Variants in TRIM40 observed in about 807,000 individuals in gnomAD.
TRIM40 encodes E3 ubiquitin ligase TRIM40.
Under a neutral mutation model 26.1 loss-of-function variants are expected in TRIM40, and 27 were observed. The ratio of observed to expected loss-of-function variants is 1.04; its 90% CI spans 0.76 to 1.43. The LOEUF (loss-of-function observed/expected upper bound fraction) is 1.43, where lower values mean the gene tolerates loss of function less well. Ranked by LOEUF, TRIM40 falls within the 40% of genes most tolerant of loss-of-function variation. The pLI, the probability that TRIM40 is intolerant of heterozygous loss-of-function variation, is 0.00. For missense variants in TRIM40, 289 were observed against 307.9 expected, an observed-to-expected ratio of 0.94 and a Z score of 0.46; for synonymous variants, 114 against 120.0, an observed-to-expected ratio of 0.95 and a Z score of 0.33.
intron 2 of TRIM40, among the ~76,000 whole-genome samples, chr6:30,141,973 G>A (rs1271970867): frequency 1.3e-5 from 2 of 152,130 alleles, no homozygotes; most frequent in African/African-American, 4.8e-5. Context: ...CCATGGATAA[G>A]GAGTTGTCTG....
rs771721700 is a variant in TRIM40, at chr6:30,147,151, G to A, written c.608G>A (p.Arg203Lys). Reference sequence around the variant, plus strand: ...ATCTCCAGGGCAGTAACACAGCTCAGAAGCCTGGTCATTGATCTGGAAAGG... The same window carrying A: ...ATCTCCAGGGCAGTAACACAGCTCAAAAGCCTGGTCATTGATCTGGAAAGG... ...LDISRAVTQLRSLVIDLERTA... is the reference protein window; with the variant it reads ...LDISRAVTQLKSLVIDLERTA... The change falls in exon 4 of 6, where the codon AGA becomes AAA. Residue 203 changes from arginine (R) to lysine (K), a missense_variant. Transcript: ENST00000396581. 1 of 1,614,240 alleles carries A rather than the reference G, an allele frequency of 6.2e-7. No individual in the cohort carries two copies. Among genetic ancestry groups the A allele is most frequent in the Non-Finnish European group, 8.5e-7 (1 of 1,180,046 alleles).
chr6:30,139,354 T>G (rs1437243991), intron 2 of TRIM40, among the ~76,000 whole-genome samples: 2 of 147,216 alleles, frequency 1.4e-5, no homozygotes, highest in African/African-American at 5.1e-5. Context: ...TTTTTTTTTT[T>G]TTTTTTTGAG....
intron 2 of TRIM40, among the ~76,000 whole-genome samples, chr6:30,138,733 G>A (rs1015963738): frequency 6.6e-6 from 1 of 152,126 alleles, no homozygotes; most frequent in African/African-American, 2.4e-5. Flanking sequence ...GTTAGTATTT[G>A]ACTGGACAAT....
chr6:30,139,762 G>C (rs1438690312), intron 2 of TRIM40, among the ~76,000 whole-genome samples: 2 of 152,128 alleles, frequency 1.3e-5, no homozygotes, highest in Non-Finnish European at 2.9e-5. Context: ...AAAGACAGGG[G>C]GTAGGGAGTG....
At chr6:30,140,077 C>A (rs1423152043) in intron 2 of TRIM40, among the ~76,000 whole-genome samples, 1 of 152,186 alleles carries the variant, frequency 6.6e-6, no homozygotes, top group Non-Finnish European at 1.5e-5. Context: ...ACAACAGATT[C>A]TGGAGACGAA....
intron 2 of TRIM40, among the ~76,000 whole-genome samples, chr6:30,141,112 T>A (rs1771318995): frequency 1.3e-5 from 2 of 151,890 alleles, no homozygotes; most frequent in African/African-American, 4.8e-5. Flanking sequence ...TGAGATACTA[T>A]CTCTAGAACA....
rs1415659409 is a variant in TRIM40, at chr6:30,148,271, G to GGAAGACAGACTC, written c.*460_*471dup. ...CCTGGCACTTATTTATTATTGTTGTGGAAGACAGACTCAAAGACAGCCTCC... is the reference window on the plus strand; with the variant it reads ...CCTGGCACTTATTTATTATTGTTGTGGAAGACAGACTCGAAGACAGACTCAAAGACAGCCTCC... On this transcript the variant is annotated 3_prime_UTR_variant, in exon 6 of 6. Coordinates refer to ENST00000396581, the MANE Select transcript of TRIM40 (RefSeq NM_001286633.2). 1 of 176,542 alleles carries GGAAGACAGACTC rather than the reference G, an allele frequency of 5.7e-6. No individual in the cohort carries two copies. The highest frequency in any genetic ancestry group is 1.5e-4 in the East Asian group (1 of 6,860). The allele number at this position is 176,542 out of a possible 1,614,324, so 10.9% of individuals were successfully genotyped here. A position where few individuals can be genotyped will look rare whatever the true frequency, so the allele number is the denominator to read the frequency against.
chr6:30,142,873 G>T (rs1771427535), intron 2 of TRIM40, among the ~76,000 whole-genome samples: 1 of 151,204 alleles, frequency 6.6e-6, no homozygotes. Context: ...TTTTACTCTA[G>T]TCCATTGATT....
chr6:30,146,921 G>C (rs569057088), intron 3 of TRIM40, 64 bp from the exon 4 acceptor site: 8 of 1,483,778 alleles, frequency 5.4e-6, no homozygotes, highest in South Asian at 2.4e-5. Context: ...CAGACATTCA[G>C]AGACTGTGAA....
rs149365999 is a variant in TRIM40, at chr6:30,140,414, T to G, written c.345+3033T>G. 2.8e-3 allele frequency among the ~76,000 whole-genome samples: 423 copies of G among 152,264 alleles called. 2 individuals carry two copies. Among genetic ancestry groups the G allele is most frequent in the Middle Eastern group, 0.01 (3 of 294 alleles). Reference sequence around the variant, plus strand: ...CATAAAAACAGATGAGTTCACGTCCTTTACAGGGACGTGGATGAAGATGGA... The same window carrying G: ...CATAAAAACAGATGAGTTCACGTCCGTTACAGGGACGTGGATGAAGATGGA... On this transcript the variant is annotated intron_variant, in intron 2 of 5. Coordinates refer to ENST00000396581, the MANE Select transcript of TRIM40 (RefSeq NM_001286633.2).
chr6:30,137,503 T>A, intron 2 of TRIM40, 122 bp downstream of exon 2: 1 of 854,386 alleles, frequency 1.2e-6, no homozygotes, highest in Non-Finnish European at 1.8e-6. Context: ...TTGTTTCTTC[T>A]GCTTCATCCT....
intron 2 of TRIM40, among the ~76,000 whole-genome samples, chr6:30,140,887 C>G (rs1771305615): frequency 6.6e-6 from 1 of 152,108 alleles, no homozygotes; most frequent in Non-Finnish European, 1.5e-5. Flanking sequence ...TGAGACACAT[C>G]AAAATAGGAT....
At position 30,147,164 on chromosome 6, in the gene TRIM40, T is replaced by C. The variant is rs1274778865; in HGVS notation, c.621T>C (p.Ile207=). The change falls in exon 4 of 6, where the codon ATT becomes ATC. Residue 207 remains isoleucine (I), a synonymous_variant. Coordinates refer to ENST00000396581, the MANE Select transcript of TRIM40 (RefSeq NM_001286633.2). ...RAVTQLRSLV[I]DLERTAKELD... ...TAACACAGCTCAGAAGCCTGGTCAT[T>C]GATCTGGAAAGGACGGCCAAGGAAT... 5 of 1,614,092 alleles carry C rather than the reference T, an allele frequency of 3.1e-6. No homozygotes were observed. The highest frequency in any genetic ancestry group is 4.2e-6 in the Non-Finnish European group (5 of 1,180,044).
At chr6:30,141,157 T>TA (rs1409709033) in intron 2 of TRIM40, among the ~76,000 whole-genome samples, 2 of 151,898 alleles carry the variant, frequency 1.3e-5, no homozygotes, top group African/African-American at 4.8e-5. Context: ...TAACAGGATT[T>TA]AAAAAAAAGA....
At chr6:30,146,424 T>A (rs1029343578) in intron 3 of TRIM40, among the ~76,000 whole-genome samples, 34 of 151,404 alleles carry the variant, frequency 2.2e-4, no homozygotes, top group East Asian at 9.7e-4. Context: ...ATTTTATTTT[T>A]TTTTTGAGAT....
chr6:30,141,630 G>A (rs1285069700), intron 2 of TRIM40, among the ~76,000 whole-genome samples: 5 of 152,184 alleles, frequency 3.3e-5, no homozygotes, highest in African/African-American at 1.2e-4. Flanking sequence ...TTGGGAGGAG[G>A]CACACTTCTT....
At position 30,136,985 on chromosome 6, in the gene TRIM40, A is replaced by G; in HGVS notation, c.-52A>G. The G allele has an allele frequency of 5.8e-6, 9 of 1,561,416 alleles. No homozygotes were observed. The highest frequency in any genetic ancestry group is 7.8e-6 in the Non-Finnish European group (9 of 1,147,372). On this transcript the variant is annotated 5_prime_UTR_variant, in exon 2 of 6. Transcript: ENST00000396581. ...GAGGGCAACAGGCCTTCCGAAGACC[A>G]GTGAAGAAGGAGGCCCTGCAAACAG...
chr6:30,136,549 A>G (rs1771008785), intron 1 of TRIM40, 184 bp from the exon 2 acceptor site: 1 of 163,008 alleles, frequency 6.1e-6, no homozygotes, highest in Non-Finnish European at 1.3e-5. Flanking sequence ...AACAGTCCAA[A>G]CTCCTGCCAA....
At chr6:30,137,408 C>T (rs1490546114) in intron 2 of TRIM40, 27 bp downstream of exon 2, 1 of 1,587,512 alleles carries the variant, frequency 6.3e-7, no homozygotes, top group South Asian at 1.1e-5. Flanking sequence ...GCAGCCAGGC[C>T]CTGCCTCCAC....
Sources: gnomAD v4.1 joint callset for allele counts (sites outside exome capture counted in the v4.1 genomes callset) on GRCh38, gnomAD v4.1.1 for gene constraint, MANE v1.5 for transcripts, NCBI Gene and HGNC (gene_info 2026-07-23, HGNC 2026-07-21) for gene names.